CRISPLD2: variants seen among roughly 807,000 people sequenced by gnomAD.
CRISPLD2 encodes the protein cysteine rich secretory protein LCCL domain containing 2, also known as cysteine-rich secretory protein LCCL domain-containing 2.
In CRISPLD2, 47 loss-of-function variants were observed where a neutral mutation model predicts 71.1. That is an observed-to-expected ratio of 0.66 (90% CI 0.52 to 0.84). CRISPLD2 has a LOEUF of 0.84. Ranked by LOEUF, CRISPLD2 falls within the 40% of genes least tolerant of loss-of-function variation. CRISPLD2 has a pLI of 0.00. For synonymous variants in CRISPLD2, 317 were observed against 250.1 expected, an observed-to-expected ratio of 1.27 and a Z score of -2.52; for missense variants, 830 against 651.1, an observed-to-expected ratio of 1.27 and a Z score of -2.99.
intron 13 of CRISPLD2, among the ~76,000 whole-genome samples, chr16:84,888,370 C>A (rs1038104249): frequency 3.3e-5 from 5 of 152,178 alleles, no homozygotes; most frequent in Non-Finnish European, 5.9e-5. Flanking sequence ...CTTGTCCCTA[C>A]AAATAATTTT....
chr16:84,837,950 G>A (rs78916271), intron 1 of CRISPLD2, among the ~76,000 whole-genome samples: 4,228 of 152,294 alleles, frequency 0.028, 192 homozygotes, highest in African/African-American at 0.097. Context: ...GGAGCCATAT[G>A]TCAACCACTA....
intron 6 of CRISPLD2, among the ~76,000 whole-genome samples, chr16:84,861,503 A>G (rs1411756534): frequency 6.6e-6 from 1 of 152,312 alleles, no homozygotes; most frequent in East Asian, 1.9e-4. Flanking sequence ...ATGTAGGTTG[A>G]GAGGCTAAGG....
chr16:84,822,315 C>T (rs1269722406), intron 1 of CRISPLD2, among the ~76,000 whole-genome samples: 1 of 152,244 alleles, frequency 6.6e-6, no homozygotes, highest in African/African-American at 2.4e-5. Context: ...CTCTGCACTT[C>T]ATCCCTCAAA....
intron 6 of CRISPLD2, chr16:84,863,253 G>T (rs1395417360): frequency 6.6e-6 from 1 of 152,168 alleles, no homozygotes. Context: ...AACCTTAGAT[G>T]CCAGTTTACC....
intron 6 of CRISPLD2, among the ~76,000 whole-genome samples, chr16:84,865,359 T>C (rs555741024): frequency 1.3e-5 from 2 of 152,200 alleles, no homozygotes; most frequent in Non-Finnish European, 2.9e-5. Context: ...TTTCACCCTC[T>C]TGGCCAGGCT....
In CRISPLD2 at chr16:84,827,558, CTTTTTTTT is replaced by C. The variant is rs571068599; in HGVS notation, c.-75+7435_-75+7442del. On this transcript the variant is annotated intron_variant, in intron 1 of 14. Coordinates refer to ENST00000262424, the MANE Select transcript of CRISPLD2 (RefSeq NM_031476.4). ...CTTCCTGCTGCCTGCAGTGCCCTTT[CTTTTTTTT>C]TTTTTTTTTCTTTTTTCTGAGAAGG... Among the ~76,000 whole-genome samples, 83 of 135,908 alleles carry C rather than the reference CTTTTTTTT, an allele frequency of 6.1e-4. 1 individual carries two copies. Among genetic ancestry groups the C allele is most frequent in the African/African-American group, 2.2e-3 (79 of 36,034 alleles). 89.2% of individuals were successfully genotyped at this position (135,908 alleles called of 152,430 possible).
At chr16:84,883,464 C>A (rs997106458) in intron 13 of CRISPLD2, among the ~76,000 whole-genome samples, 1 of 152,208 alleles carries the variant, frequency 6.6e-6, no homozygotes, top group East Asian at 1.9e-4. Context: ...AGCCAGGCAA[C>A]CTTTCCCCTC....
intron 6 of CRISPLD2, among the ~76,000 whole-genome samples, chr16:84,858,334 C>T (rs942613876): frequency 2.0e-5 from 3 of 152,178 alleles, no homozygotes; most frequent in East Asian, 3.9e-4. Context: ...GAGTAACGCA[C>T]CCAGATGAGG....
intron 11 of CRISPLD2, 40 bp downstream of exon 11, chr16:84,874,003 T>A (rs916990337): frequency 4.5e-6 from 7 of 1,541,604 alleles, no homozygotes. Context: ...AATACCTGGG[T>A]TATCTCAGAT....
intron 1 of CRISPLD2, among the ~76,000 whole-genome samples, chr16:84,826,593 C>A (rs894249809): frequency 1.6e-4 from 24 of 151,828 alleles, no homozygotes; most frequent in African/African-American, 5.8e-4. Flanking sequence ...ACAGCCAGTC[C>A]GTTCGCCCCG....
At chr16:84,824,288 G>A (rs1916299172) in intron 1 of CRISPLD2, among the ~76,000 whole-genome samples, 1 of 152,204 alleles carries the variant, frequency 6.6e-6, no homozygotes, top group Non-Finnish European at 1.5e-5. Context: ...CAGGTGTTGT[G>A]ATGAGCTGTA....
At chr16:84,864,940 G>A (rs1917493865) in intron 6 of CRISPLD2, among the ~76,000 whole-genome samples, 1 of 152,182 alleles carries the variant, frequency 6.6e-6, no homozygotes, top group Admixed American at 6.5e-5. Context: ...GACCAGCCTG[G>A]GGTGGTGGTT....
At chr16:84,869,503 G>C (rs567236224) in intron 8 of CRISPLD2, among the ~76,000 whole-genome samples, 189 of 152,354 alleles carry the variant, frequency 1.2e-3, no homozygotes, top group African/African-American at 4.2e-3. Flanking sequence ...AATTCAGTTT[G>C]CCAGGAGAAC....
At position 84,866,957 on chromosome 16, in the gene CRISPLD2, T is replaced by G; in HGVS notation, c.770T>G (p.Ile257Ser). Residue 257 changes from isoleucine to serine, a missense_variant, in exon 7 of 15, where the codon ATT (isoleucine) becomes AGT (serine). Transcript: ENST00000262424. ...ATGAATGAGGTGGAAACGGCTCCCA[T>G]TCCTGAAGAAAACCATGTTTGGCTC... The part of the protein sequence containing the change: ...DEMNEVETAP[I>S]PEENHVWLQP... 6.2e-7 allele frequency: 1 copy of G among 1,614,074 alleles called. No individual in the cohort carries two copies. Among genetic ancestry groups the G allele is most frequent in the Non-Finnish European group, 8.5e-7 (1 of 1,180,006 alleles).
At chr16:84,906,474 C>G (rs1438523972) in intron 14 of CRISPLD2, 114 bp from the exon 15 acceptor site, 6 of 1,045,402 alleles carry the variant, frequency 5.7e-6, no homozygotes, top group East Asian at 4.8e-5. Context: ...TTGGCCATGG[C>G]TCTTCCACTA....
At chr16:84,880,313 A>T (rs2071557135) in intron 12 of CRISPLD2, among the ~76,000 whole-genome samples, 196 bp from the exon 13 acceptor site, 1 of 152,218 alleles carries the variant, frequency 6.6e-6, no homozygotes, top group African/African-American at 2.4e-5. Flanking sequence ...ACACTGTTTA[A>T]GAGAAGCAAA....
chr16:84,900,324 G>A (rs1055214054), intron 14 of CRISPLD2, among the ~76,000 whole-genome samples: 3 of 152,152 alleles, frequency 2.0e-5, no homozygotes, highest in East Asian at 1.9e-4. Flanking sequence ...TGAGAGGGCC[G>A]GGGTCTCCTG....
At chr16:84,827,099 G>A (rs1159798192) in intron 1 of CRISPLD2, among the ~76,000 whole-genome samples, 1 of 151,868 alleles carries the variant, frequency 6.6e-6, no homozygotes, top group Non-Finnish European at 1.5e-5. Context: ...GAGCCTGGCC[G>A]GCCCCCAGAA....
chr16:84,904,102 C>G (rs1301665514), intron 14 of CRISPLD2, among the ~76,000 whole-genome samples: 1 of 152,212 alleles, frequency 6.6e-6, no homozygotes, highest in Non-Finnish European at 1.5e-5. Context: ...CAGGGAGGAT[C>G]TAGAGAATGA....
Sources: gnomAD v4.1 joint callset for allele counts (sites outside exome capture counted in the v4.1 genomes callset) on GRCh38, gnomAD v4.1.1 for gene constraint, MANE v1.5 for transcripts, NCBI Gene and HGNC (gene_info 2026-07-23, HGNC 2026-07-21) for gene names.